The following GALNTL6 variants were observed in gnomAD, a reference collection of about 807,000 sequenced individuals.
GALNTL6 encodes polypeptide N-acetylgalactosaminyltransferase-like 6.
A neutral mutation model predicts 73.7 loss-of-function variants in GALNTL6; 46 were observed. The ratio of observed to expected loss-of-function variants is 0.62; its 90% CI spans 0.49 to 0.80. The LOEUF is 0.80. Among genes scored for constraint, GALNTL6 ranks in the 30% least tolerant of loss-of-function variants. The pLI is 0.00. For missense variants in GALNTL6, 604 were observed against 755.0 expected, an observed-to-expected ratio of 0.80 and a Z score of 2.34; for synonymous variants, 259 against 263.7, an observed-to-expected ratio of 0.98 and a Z score of 0.17.
intron 5 of GALNTL6, among the ~76,000 whole-genome samples, chr4:172,448,995 C>T (rs961209132): frequency 2.0e-5 from 3 of 152,068 alleles, no homozygotes; most frequent in Admixed American, 6.6e-5. Context: ...GCCCCTCATC[C>T]CTCAACTAAT....
intron 5 of GALNTL6, among the ~76,000 whole-genome samples, chr4:172,709,263 T>C (rs962299114): frequency 2.0e-5 from 3 of 152,080 alleles, no homozygotes; most frequent in Admixed American, 6.6e-5. Flanking sequence ...TCAAACAAGA[T>C]TGGAGGCAGT....
In GALNTL6 at chr4:172,108,122, C is replaced by T. The variant is rs188136837; in HGVS notation, c.139-121534C>T. 4.2e-3 allele frequency among the ~76,000 whole-genome samples: 633 copies of T among 152,240 alleles called. 2 individuals are homozygous for T. The highest frequency in any genetic ancestry group is 7.2e-3 in the Non-Finnish European group (488 of 68,016). On this transcript the variant is annotated intron_variant, in intron 2 of 12. Coordinates refer to ENST00000506823, the MANE Select transcript of GALNTL6 (RefSeq NM_001034845.3). ...TCAGGGTATGTGTTTGAAATAGTAG[C>T]ACCTATATTTAAATTTACAAACTTT...
In GALNTL6 at chr4:172,336,271, TTTTG is replaced by T. The variant is rs1484004008; in HGVS notation, c.387-12248_387-12245del. Among the ~76,000 whole-genome samples, 3 of 3,000 alleles carry T rather than the reference TTTTG, an allele frequency of 1.0e-3. 1 individual carries two copies. Among genetic ancestry groups the T allele is most frequent in the Non-Finnish European group, 6.1e-3 (3 of 490 alleles). 2.0% of individuals were successfully genotyped at this position (3,000 alleles called of 152,430 possible). ...GAGAACTCTTCTTGGTATAGTTTTGTTTTGTTTTTTTTTTTTTTTGACTGAGTCT... is the reference window on the plus strand; with the variant it reads ...GAGAACTCTTCTTGGTATAGTTTTGTTTTTTTTTTTTTTTTGACTGAGTCT... On this transcript the variant is annotated intron_variant, in intron 4 of 12. Transcript: ENST00000506823.
intron 5 of GALNTL6, among the ~76,000 whole-genome samples, chr4:172,357,453 A>G (rs1742198719): frequency 6.6e-6 from 1 of 152,102 alleles, no homozygotes. Flanking sequence ...TCATTCTAGA[A>G]GAGAGAGAGG....
chr4:172,537,420 G>T (rs1299776419), intron 5 of GALNTL6, among the ~76,000 whole-genome samples: 1 of 152,104 alleles, frequency 6.6e-6, no homozygotes, highest in Non-Finnish European at 1.5e-5. Context: ...TTTATAAGGG[G>T]CTCCCCCAAG....
chr4:172,950,333 C>A (rs779949986), intron 9 of GALNTL6, among the ~76,000 whole-genome samples: 5 of 152,218 alleles, frequency 3.3e-5, no homozygotes, highest in Non-Finnish European at 7.3e-5. Flanking sequence ...ACAATTCTCA[C>A]AGTCTCAAGG....
intron 5 of GALNTL6, chr4:172,545,811 C>G (rs1376059565): frequency 6.6e-6 from 1 of 152,066 alleles, no homozygotes; most frequent in African/African-American, 2.4e-5. Flanking sequence ...AGCTTTTTCC[C>G]TAAACTGTTT....
chr4:173,035,932 T>C (rs1046815969), intron 12 of GALNTL6, among the ~76,000 whole-genome samples: 18 of 152,130 alleles, frequency 1.2e-4, no homozygotes, highest in African/African-American at 3.9e-4. Flanking sequence ...AACAAAGTAG[T>C]GGAAAGGGAG....
Position 172,311,623 on chromosome 4 carries a change from A to G in GALNTL6, c.257A>G (p.Glu86Gly), listed in dbSNP as rs771376890. 19 of 1,602,908 alleles carry G rather than the reference A, an allele frequency of 1.2e-5. No homozygotes were observed. Among genetic ancestry groups the G allele is most frequent in the Non-Finnish European group, 1.5e-5 (18 of 1,175,172 alleles). ...QKEAMRSGKG[E>G]HGKPYPLTEE... is the part of the protein sequence containing the mutation. ...TGTTTTCTCCTGCTAGGGAAAGGTG[A>G]ACATGGGAAACCTTACCCCCTTACT... Residue 86 changes from glutamate (E) to glycine (G), a missense_variant, in exon 4 of 13, where the codon GAA (glutamate) becomes GGA (glycine). Coordinates refer to ENST00000506823, the MANE Select transcript of GALNTL6 (RefSeq NM_001034845.3).
chr4:172,474,755 G>T lies in GALNTL6; in HGVS notation c.553+126066G>T, dbSNP rs137935777. 8.4e-3 allele frequency among the ~76,000 whole-genome samples: 1,273 copies of T among 152,116 alleles called. 10 individuals are homozygous for T. The highest frequency in any genetic ancestry group is 0.029 in the African/African-American group (1,206 of 41,500). ...AGTTCTTGTTTTATATTATTCTCTT[G>T]ATTCTCTTGGAATGAATGAAAGTTT... On this transcript the variant is annotated intron_variant, in intron 5 of 12. Transcript: ENST00000506823.
At chr4:172,153,455 TTC>T (rs1291273190) in intron 2 of GALNTL6, among the ~76,000 whole-genome samples, 1 of 152,222 alleles carries the variant, frequency 6.6e-6, no homozygotes, top group Non-Finnish European at 1.5e-5. Context: ...TTTTAAGATA[TTC>T]AGTAAATATT....
intron 5 of GALNTL6, among the ~76,000 whole-genome samples, chr4:172,413,986 T>C (rs999980455): frequency 6.6e-6 from 1 of 152,202 alleles, no homozygotes; most frequent in African/African-American, 2.4e-5. Context: ...CCTGTTTGTT[T>C]GGAAACTGAA....
At chr4:171,944,404 T>C (rs754061447) in intron 2 of GALNTL6, among the ~76,000 whole-genome samples, 48 of 152,070 alleles carry the variant, frequency 3.2e-4, no homozygotes, top group Non-Finnish European at 6.0e-4. Context: ...TTAAAAAGAC[T>C]TGAATGAGAT....
At chr4:171,995,648 T>C (rs999983513) in intron 2 of GALNTL6, among the ~76,000 whole-genome samples, 6 of 152,126 alleles carry the variant, frequency 3.9e-5, no homozygotes, top group Non-Finnish European at 7.4e-5. Context: ...TATACAAACA[T>C]TAGAGCAGTT....
At chr4:172,138,504 TATATATA>T (rs1733708416) in intron 2 of GALNTL6, among the ~76,000 whole-genome samples, 1 of 14,348 alleles carries the variant, frequency 7.0e-5, no homozygotes, top group Non-Finnish European at 1.7e-4. Flanking sequence ...TATATATATA[TATATATA>T]TATTTTTTTT....
intron 5 of GALNTL6, among the ~76,000 whole-genome samples, chr4:172,708,401 G>T (rs930815057): frequency 3.9e-5 from 6 of 152,260 alleles, no homozygotes; most frequent in African/African-American, 1.4e-4. Context: ...GTGTCATCCA[G>T]GCATTTCTCT....
chr4:172,661,924 C>T (rs1310924165), intron 5 of GALNTL6, among the ~76,000 whole-genome samples: 1 of 152,134 alleles, frequency 6.6e-6, no homozygotes, highest in Non-Finnish European at 1.5e-5. Flanking sequence ...AAAAGTGGAT[C>T]ATGCAAATGT....
chr4:172,404,880 C>G (rs746897905), intron 5 of GALNTL6, among the ~76,000 whole-genome samples: 1 of 152,024 alleles, frequency 6.6e-6, no homozygotes. Context: ...CAGCAGTGTT[C>G]TTGCAGTAAA....
chr4:172,051,132 G>T (rs2110858298), intron 2 of GALNTL6, among the ~76,000 whole-genome samples: 1 of 152,260 alleles, frequency 6.6e-6, no homozygotes, highest in East Asian at 1.9e-4. Flanking sequence ...ATGTGTGACA[G>T]GGGTGTGGCT....
Sources: allele counts gnomAD v4.1 joint callset (sites outside exome capture counted in the v4.1 genomes callset), GRCh38; gene constraint gnomAD v4.1.1; transcripts MANE v1.5; gene names NCBI Gene and HGNC (gene_info 2026-07-23, HGNC 2026-07-21).